GLI2: variants seen among roughly 807,000 people sequenced by gnomAD.
GLI2 encodes the protein transcription activator GLI2.
In GLI2, 22 loss-of-function variants were observed where a neutral mutation model predicts 78.9. The observed-to-expected ratio is 0.28, with a 90% CI of 0.20 to 0.40. GLI2 has a LOEUF of 0.40. Among genes scored for constraint, GLI2 ranks in the 10% least tolerant of loss-of-function variants. The pLI, the probability that GLI2 is intolerant of heterozygous loss-of-function variation, is 1.00. For synonymous variants in GLI2, 974 were observed against 963.7 expected (o/e 1.01, Z -0.20); for missense variants, 2,097 against 2,213.2 (o/e 0.95, Z 1.05).
At chr2:120,951,149 C>T (rs1375968290) in intron 3 of GLI2, 94 bp from the exon 4 acceptor site, 3 of 787,468 alleles carry the variant, frequency 3.8e-6, no homozygotes, top group Non-Finnish European at 7.0e-6. Context: ...AAAGTCTTTC[C>T]AGGAGAGACA....
chr2:120,950,452 G>C (rs920062120), intron 3 of GLI2, among the ~76,000 whole-genome samples: 3 of 152,180 alleles, frequency 2.0e-5, no homozygotes, highest in Admixed American at 2.0e-4. Context: ...CCTGACATAA[G>C]GGCCTGAGGT....
At chr2:120,791,864 A>G (rs1161327950) in intron 1 of GLI2, among the ~76,000 whole-genome samples, 2 of 151,964 alleles carry the variant, frequency 1.3e-5, no homozygotes, top group Admixed American at 6.6e-5. Context: ...AGGTGTATGC[A>G]TGTGTGTGGC....
chr2:120,760,452 C>A (rs1233851310), intron 1 of GLI2, among the ~76,000 whole-genome samples: 1 of 152,148 alleles, frequency 6.6e-6, no homozygotes, highest in Non-Finnish European at 1.5e-5. Context: ...GTGGACCCTT[C>A]CCCAGGCCTG....
At position 120,972,057 on chromosome 2, in the gene GLI2, G is replaced by T; in HGVS notation, c.1176G>T (p.Leu392=). 1 of 1,613,186 alleles carries T rather than the reference G, an allele frequency of 6.2e-7. No homozygotes were observed. The highest frequency in any genetic ancestry group is 1.1e-5 in the South Asian group (1 of 91,062). The change falls in exon 8 of 14, where the codon CTG becomes CTT. Residue 392 remains leucine, a synonymous_variant. Coordinates refer to ENST00000361492, the MANE Select transcript of GLI2 (RefSeq NM_001374353.1). Reference sequence around the variant, plus strand: ...TGCGGCCGGCCTCCCCTCTGGCGCTGACGCAGGTAACCTGCTGCCAGCCGC... The same window carrying T: ...TGCGGCCGGCCTCCCCTCTGGCGCTTACGCAGGTAACCTGCTGCCAGCCGC... ...EGLRPASPLA[L]TQEQLADLKE... is the part of the protein sequence containing the mutation.
intron 2 of GLI2, among the ~76,000 whole-genome samples, chr2:120,842,239 T>A (rs1016162685): frequency 6.6e-6 from 1 of 152,154 alleles, no homozygotes; most frequent in Non-Finnish European, 1.5e-5. Context: ...CAAGAGATTC[T>A]AGATGTATAC....
intron 1 of GLI2, among the ~76,000 whole-genome samples, chr2:120,785,627 C>G (rs905862665): frequency 2.6e-5 from 4 of 152,210 alleles, no homozygotes; most frequent in African/African-American, 9.7e-5. Flanking sequence ...TGCCCTGCCC[C>G]TGCCCCAAGC....
intron 2 of GLI2, among the ~76,000 whole-genome samples, chr2:120,926,028 G>T (rs923701317): frequency 1.7e-5 from 2 of 114,974 alleles, no homozygotes; most frequent in African/African-American, 3.4e-5. Flanking sequence ...AGCCGAGATC[G>T]CTCCACTGCA....
intron 3 of GLI2, among the ~76,000 whole-genome samples, chr2:120,936,365 C>G (rs1459351153): frequency 6.6e-6 from 1 of 152,156 alleles, no homozygotes; most frequent in Admixed American, 6.5e-5. Context: ...AGAAGGAAAG[C>G]CAAGTTTCAC....
intron 2 of GLI2, among the ~76,000 whole-genome samples, chr2:120,838,769 A>G (rs544447405): frequency 6.6e-6 from 1 of 152,242 alleles, no homozygotes; most frequent in East Asian, 1.9e-4. Flanking sequence ...ACATGTTTAG[A>G]TATACAAATC....
At chr2:120,809,355 CTGGGAGAAGAGGGAA>C (rs1427421786) in intron 2 of GLI2, among the ~76,000 whole-genome samples, 18 of 152,014 alleles carry the variant, frequency 1.2e-4, no homozygotes, top group Non-Finnish European at 2.1e-4. Flanking sequence ...GTGCCAGGGG[CTGGGAGAAGAGGGAA>C]TGGGGAATGA....
intron 1 of GLI2, among the ~76,000 whole-genome samples, chr2:120,740,439 A>G (rs1682496270): frequency 6.8e-6 from 1 of 146,720 alleles, no homozygotes; most frequent in South Asian, 2.1e-4. Flanking sequence ...GTGTTGTTTA[A>G]AAAAAAAAAA....
chr2:120,908,176 C>T (rs1042972559), intron 2 of GLI2, among the ~76,000 whole-genome samples: 1 of 152,180 alleles, frequency 6.6e-6, no homozygotes, highest in African/African-American at 2.4e-5. Context: ...GCCTGGGGGG[C>T]CTGTCACCCA....
chr2:120,988,615 C>G lies in GLI2; in HGVS notation c.2650C>G (p.Pro884Ala). The change falls in exon 14 of 14, where the codon CCG becomes GCG. Residue 884 changes from proline (P) to alanine (A), a missense_variant. This residue lies in a region of GLI2 where 1,290 missense variants were observed against 1,261.7 expected (regional missense o/e 1.02). Coordinates refer to ENST00000361492, the MANE Select transcript of GLI2 (RefSeq NM_001374353.1). ...GTACGCGGCAGCCACTGGCGGCCCC[C>G]CGCCCACTCCGCTGCCGGGCCTGGA... is the stretch of plus-strand genomic sequence containing the variant. ...AKYAAATGGP[P>A]PTPLPGLERM... The G allele has an allele frequency of 2.7e-6, 4 of 1,463,774 alleles. No individual in the cohort carries two copies. Among genetic ancestry groups the G allele is most frequent in the South Asian group, 1.3e-5 (1 of 77,720 alleles). The allele number at this position is 1,463,774 out of a possible 1,614,324, so 90.7% of individuals were successfully genotyped here. A position where few individuals can be genotyped will look rare whatever the true frequency, so the allele number is the denominator to read the frequency against.
chr2:120,807,286 C>T (rs1256567535), intron 2 of GLI2, among the ~76,000 whole-genome samples: 1 of 152,122 alleles, frequency 6.6e-6, no homozygotes, highest in Non-Finnish European at 1.5e-5. Context: ...TGTGCTGATC[C>T]GAACCCCAGT....
At chr2:120,973,796 A>G (rs1248384889) in intron 8 of GLI2, among the ~76,000 whole-genome samples, 1 of 152,234 alleles carries the variant, frequency 6.6e-6, no homozygotes, top group Non-Finnish European at 1.5e-5. Context: ...AGAAACAATC[A>G]GGAACCCTTC....
intron 2 of GLI2, among the ~76,000 whole-genome samples, chr2:120,849,935 G>A (rs939852063): frequency 1.8e-4 from 28 of 152,118 alleles, no homozygotes; most frequent in Non-Finnish European, 1.5e-5. Flanking sequence ...AAGAGCTTTA[G>A]ATTAAAAATA....
intron 1 of GLI2, among the ~76,000 whole-genome samples, chr2:120,753,924 A>AAAC (rs1245180714): frequency 2.0e-5 from 3 of 151,962 alleles, no homozygotes; most frequent in African/African-American, 7.3e-5. Flanking sequence ...TCAAAAAAAA[A>AAAC]AAAAAAAACA....
At chr2:120,910,018 C>A (rs1359207159) in intron 2 of GLI2, among the ~76,000 whole-genome samples, 1 of 152,016 alleles carries the variant, frequency 6.6e-6, no homozygotes, top group African/African-American at 2.4e-5. Context: ...GTAGGCCCAG[C>A]TGGGGGTGGA....
At chr2:120,885,881 A>G (rs917993523) in intron 2 of GLI2, among the ~76,000 whole-genome samples, 5 of 152,140 alleles carry the variant, frequency 3.3e-5, no homozygotes, top group African/African-American at 1.2e-4. Context: ...TCAAGTGATC[A>G]TTATTATCAC....
Sources: gnomAD v4.1 joint callset for allele counts (sites outside exome capture counted in the v4.1 genomes callset) on GRCh38, gnomAD v4.1.1 for gene constraint, gnomAD v4.1.1 regional missense constraint, MANE v1.5 for transcripts, NCBI Gene and HGNC (gene_info 2026-07-23, HGNC 2026-07-21) for gene names.